The following PRMT5 variants were observed in gnomAD, a reference collection of about 807,000 sequenced individuals.
PRMT5 encodes the protein protein arginine methyltransferase 5, also known as protein arginine N-methyltransferase 5.
PRMT5 carries 15 observed loss-of-function variants against 84.0 expected under a neutral mutation model. The observed-to-expected ratio is 0.18, with a 90% CI of 0.12 to 0.28. The LOEUF (loss-of-function observed/expected upper bound fraction) is 0.28. Ranked by LOEUF, PRMT5 falls within the 10% of genes least tolerant of loss-of-function variation. The pLI, the probability that PRMT5 is intolerant of heterozygous loss-of-function variation, is 1.00. For synonymous variants in PRMT5, 276 were observed against 292.4 expected (o/e 0.94, Z 0.57); for missense variants, 486 against 808.0 (o/e 0.60, Z 4.83).
rs754873481 is a variant in PRMT5, at chr14:22,922,538, C to T, written c.1601G>A (p.Arg534His). 1 of 1,613,748 alleles carries T rather than the reference C, an allele frequency of 6.2e-7. No individual in the cohort carries two copies. Among genetic ancestry groups the T allele is most frequent in the Non-Finnish European group, 8.5e-7 (1 of 1,179,716 alleles). ...CACAGGAAATTCCAAGGTGCAATAGCGGTTGTTGTCAATCATAGGATCTGT... is the reference window on the plus strand; with the variant it reads ...CACAGGAAATTCCAAGGTGCAATAGTGGTTGTTGTCAATCATAGGATCTGT... Reference protein sequence around the residue: ...PNRDPMIDNNRYCTLEFPVEV... With the variant: ...PNRDPMIDNNHYCTLEFPVEV... The change falls in exon 15 of 17, where the codon CGC (arginine) becomes CAC (histidine). Residue 534 changes from arginine to histidine, a missense_variant. By Grantham distance (29) the Arg-to-His change is conservative. Coordinates refer to ENST00000324366, the MANE Select transcript of PRMT5 (RefSeq NM_006109.5).
chr14:22,929,151 T>C, intron 1 of PRMT5, 101 bp downstream of exon 1: 1 of 1,613,992 alleles, frequency 6.2e-7, no homozygotes, highest in South Asian at 1.1e-5. Context: ...CTCCTCATCC[T>C]AGCCGACCCC....
rs779261749 is a variant in PRMT5, at chr14:22,924,066, T to G, written c.1317A>C (p.Ser439=). The G allele has an allele frequency of 1.2e-5, 19 of 1,609,870 alleles. No homozygotes were observed. The East Asian group carries it at 4.2e-4, about 36-fold the overall frequency. ...ADIIVSELLG[S]FADNELSPEC... ...CAGGCGACAATTCATTGTCAGCAAA[T>G]GAGCCCAGAAGCTCACTGACAATGA... is the stretch of plus-strand genomic sequence containing the variant. The change falls in exon 12 of 17, where the codon TCA becomes TCC. Residue 439 remains serine (S), a synonymous_variant. Coordinates refer to ENST00000324366, the MANE Select transcript of PRMT5 (RefSeq NM_006109.5). This position sits in a 1 kb window ranked among gnomAD's most constrained non-coding sequence, Gnocchi z 6.5.
At position 22,928,286 on chromosome 14, in the gene PRMT5, G is replaced by A; in HGVS notation, c.230-75C>T. ...TTACTTGTTCAATTTTTAGTTTTGG[G>A]AATCAAGAGTAGAAATGAGAGACAA... On this transcript the variant is annotated intron_variant, in intron 2 of 16. Transcript: ENST00000324366. The surrounding 1 kb of genome is among the most constrained non-coding windows in gnomAD (Gnocchi z 4.8). The A allele has an allele frequency of 6.6e-7, 1 of 1,506,426 alleles. No homozygotes were observed. The allele number at this position is 1,506,426 out of a possible 1,614,324, so 93.3% of individuals were successfully genotyped here.
At position 22,926,728 on chromosome 14, in the gene PRMT5, G is replaced by A. The variant is rs200452400; in HGVS notation, c.537C>T (p.Tyr179=). ...ACATCCACGTTTTCTCCTCCCCACT[G>A]TACTCCTCTGTGTGTGTAGTTGGTG... ...ENAPTTHTEE[Y]SGEEKTWMWW... is the part of the protein sequence containing the mutation. The change falls in exon 5 of 17, where the codon TAC becomes TAT. Residue 179 remains tyrosine (Y), a synonymous_variant. Transcript: ENST00000324366. The A allele has an allele frequency of 6.2e-7, 1 of 1,614,012 alleles. No individual in the cohort carries two copies. The highest frequency in any genetic ancestry group is 2.2e-5 in the East Asian group (1 of 44,882).
chr14:22,924,187 A>G lies in PRMT5; in HGVS notation c.1200-4T>C. 1 of 1,610,382 alleles carries G rather than the reference A, an allele frequency of 6.2e-7. No individual in the cohort carries two copies. The highest frequency in any genetic ancestry group is 8.5e-7 in the Non-Finnish European group (1 of 1,177,784). The stretch of plus-strand genomic sequence containing the variant: ...TTCAAACTGCCAGTTCTCTAGCCTG[A>G]AACAGAGACAATAAGGTAAGGAGAG... On this transcript the variant is annotated splice_region_variant and splice_polypyrimidine_tract_variant and intron_variant, in intron 11 of 16. Transcript: ENST00000324366. The surrounding 1 kb of genome is among the most constrained non-coding windows in gnomAD (Gnocchi z 6.5).
At chr14:22,921,212 G>GT in intron 16 of PRMT5, 156 bp from the exon 17 acceptor site, 1 of 909,064 alleles carries the variant, frequency 1.1e-6, no homozygotes, top group South Asian at 1.6e-5. Flanking sequence ...ATAATCAAAG[G>GT]TGTGGTGAGA....
chr14:22,928,568 T>G lies in PRMT5; in HGVS notation c.158A>C (p.Glu53Ala), dbSNP rs1333925168. ...MPVFHPRFKR[E>A]FIQEPAKNRP... ...ATTCTTAGCAGGTTCCTGAATGAAC[T>G]CCCTCTTGAAACGCGGATGGAAGAC... The change falls in exon 2 of 17, where the codon GAG (glutamate) becomes GCG (alanine). Residue 53 changes from glutamate (E) to alanine (A), a missense_variant. Glu to Ala is a moderately radical substitution (Grantham distance 107). Coordinates refer to ENST00000324366, the MANE Select transcript of PRMT5 (RefSeq NM_006109.5). This position sits in a 1 kb window ranked among gnomAD's most constrained non-coding sequence, Gnocchi z 4.8. The G allele has an allele frequency of 6.2e-7, 1 of 1,614,080 alleles. No homozygotes were observed.
chr14:22,927,471 T>C lies in PRMT5; in HGVS notation c.450+55A>G, dbSNP rs12589539. ...TGAATGGCTAGGCACAAGAAGGTAC[T>C]TAGCACAATCTGACTACTATGATAT... On this transcript the variant is annotated intron_variant, in intron 4 of 16. Coordinates refer to ENST00000324366, the MANE Select transcript of PRMT5 (RefSeq NM_006109.5). The C allele has an allele frequency of 0.57, 914,609 of 1,605,236 alleles. 270,710 individuals carry two copies. The highest frequency in any genetic ancestry group is 0.79 in the East Asian group (35,524 of 44,758).
Position 22,922,815 on chromosome 14 carries a change from A to G in PRMT5, c.1506T>C (p.Tyr502=), listed in dbSNP as rs1200489082. Residue 502 remains tyrosine, a synonymous_variant, in exon 14 of 17, where the codon TAT becomes TAC. Coordinates refer to ENST00000324366, the MANE Select transcript of PRMT5 (RefSeq NM_006109.5). ...RDPEAQFEMP[Y]VVRLHNFHQL... ...GGTGGAAGTTGTGCAGCCGTACCAC[A>G]TAAGGCATCTCAAACTGGGCCTGTC... 1 of 1,613,910 alleles carries G rather than the reference A, an allele frequency of 6.2e-7. No homozygotes were observed. Among genetic ancestry groups the G allele is most frequent in the Admixed American group, 1.7e-5 (1 of 60,002 alleles).
chr14:22,922,202 A>G lies in PRMT5; in HGVS notation c.1735T>C (p.Trp579Arg), dbSNP rs2044315219. 1 of 1,595,412 alleles carries G rather than the reference A, an allele frequency of 6.3e-7. No individual in the cohort carries two copies. The highest frequency in any genetic ancestry group is 8.6e-7 in the Non-Finnish European group (1 of 1,162,896). ...PETHSPGMFS[W>R]FPILFPIKQP... ...TTAATAGGGAAGAGGATGGGAAACC[A>G]TGAGAACATCCCAGGAGAGTGAGTC... The change falls in exon 16 of 17, where the codon TGG becomes CGG. Residue 579 changes from tryptophan to arginine, a missense_variant. Trp to Arg is a moderately radical substitution (Grantham distance 101, BLOSUM62 -3). This residue lies in a region of PRMT5 where 219 missense variants were observed against 433.6 expected (regional missense o/e 0.51). Coordinates refer to ENST00000324366, the MANE Select transcript of PRMT5 (RefSeq NM_006109.5).
chr14:22,923,352 C>A lies in PRMT5; in HGVS notation c.1376-192G>T. 1.9e-6 allele frequency: 1 copy of A among 531,112 alleles called. No individual in the cohort carries two copies. The highest frequency in any genetic ancestry group is 3.3e-6 in the Non-Finnish European group (1 of 301,316). The allele number at this position is 531,112 out of a possible 1,614,324, so 32.9% of individuals were successfully genotyped here. ...TTCCAACTACTGTCATGGAGGATTC[C>A]ACTACTAGGTTAATTTACAGAGTCA... On this transcript the variant is annotated intron_variant, in intron 12 of 16. Coordinates refer to ENST00000324366, the MANE Select transcript of PRMT5 (RefSeq NM_006109.5). The surrounding 1 kb of genome is among the most constrained non-coding windows in gnomAD (Gnocchi z 5.2).
chr14:22,926,775 T>G lies in PRMT5; in HGVS notation c.490A>C (p.Arg164=), dbSNP rs1427585557. Residue 164 remains arginine, a synonymous_variant, in exon 5 of 17, where the codon AGA becomes CGA. Transcript: ENST00000324366. ...GGTGCATTCTCAATTATATCATCTC[T>G]CAGGTCCTCTGGTGCCACCAAGGGT... ...RVPLVAPEDL[R]DDIIENAPTT... 6.2e-7 allele frequency: 1 copy of G among 1,614,182 alleles called. No homozygotes were observed. The highest frequency in any genetic ancestry group is 2.2e-5 in the East Asian group (1 of 44,880).
At chr14:22,921,508 C>T (rs2044295389) in intron 16 of PRMT5, among the ~76,000 whole-genome samples, 1 of 152,320 alleles carries the variant, frequency 6.6e-6, no homozygotes, top group South Asian at 2.1e-4. Context: ...TCGATCACAT[C>T]AAGTCTTACA....
intron 4 of PRMT5, 99 bp downstream of exon 4, chr14:22,927,427 T>C: frequency 1.3e-6 from 2 of 1,517,570 alleles, no homozygotes; most frequent in Non-Finnish European, 1.8e-6. Flanking sequence ...ACTTCAATTC[T>C]GCCAAACACA....
At position 22,928,118 on chromosome 14, in the gene PRMT5, A is replaced by C. The variant is rs762431392; in HGVS notation, c.315+8T>G. 3 of 1,611,750 alleles carry C rather than the reference A, an allele frequency of 1.9e-6. No individual in the cohort carries two copies. In the African/African-American group the frequency reaches 4.0e-5, roughly 22 times the overall value. On this transcript the variant is annotated splice_region_variant and intron_variant, in intron 3 of 16. Transcript: ENST00000324366. The surrounding 1 kb of genome is among the most constrained non-coding windows in gnomAD (Gnocchi z 4.8). ...GAAAAATCCAGCAGAGAAGTCAAACAGTCTTACCGCCTCGGAGTTCCTGCG... is the reference window on the plus strand; with the variant it reads ...GAAAAATCCAGCAGAGAAGTCAAACCGTCTTACCGCCTCGGAGTTCCTGCG...
Position 22,924,498 on chromosome 14 carries a change from C to T in PRMT5, c.1057G>A (p.Glu353Lys). 1 of 1,614,108 alleles carries T rather than the reference C, an allele frequency of 6.2e-7. No individual in the cohort carries two copies. The highest frequency in any genetic ancestry group is 8.5e-7 in the Non-Finnish European group (1 of 1,179,998). Residue 353 changes from glutamate (E) to lysine (K), a missense_variant, in exon 10 of 17, where the codon GAG (glutamate) becomes AAG (lysine). Coordinates refer to ENST00000324366, the MANE Select transcript of PRMT5 (RefSeq NM_006109.5). This position sits in a 1 kb window ranked among gnomAD's most constrained non-coding sequence, Gnocchi z 6.5. Reference protein sequence around the residue: ...KCLLDRVPEEEKDTNVQVLMV... With the variant: ...KCLLDRVPEEKKDTNVQVLMV... ...ACTCACTGGACATTGGTATCCTTCT[C>T]CTCTTCTGGTACTCGGTCTAGCAGA...
chr14:22,927,290 T>C (rs2044444094), intron 4 of PRMT5, among the ~76,000 whole-genome samples: 1 of 151,852 alleles, frequency 6.6e-6, no homozygotes, highest in African/African-American at 2.4e-5. Flanking sequence ...TTTGGTTTTT[T>C]ATACAGACAG....
At position 22,920,717 on chromosome 14, in the gene PRMT5, T is replaced by C; in HGVS notation, c.*187A>G. The C allele has an allele frequency of 1.2e-6, 1 of 856,886 alleles. No homozygotes were observed. Among genetic ancestry groups the C allele is most frequent in the South Asian group, 1.4e-5 (1 of 70,014 alleles). 53.1% of individuals were successfully genotyped at this position (856,886 alleles called of 1,614,324 possible). A position where few individuals can be genotyped will look rare whatever the true frequency, so the allele number is the denominator to read the frequency against. On this transcript the variant is annotated 3_prime_UTR_variant, in exon 17 of 17. Transcript: ENST00000324366. ...CCCCCTGGCCTGAGGTCTTCATAGA[T>C]TGGTGGCTTGAGCCCTGCAATTAAT...
At chr14:22,927,394 C>T in intron 4 of PRMT5, 132 bp downstream of exon 4, 2 of 1,272,460 alleles carry the variant, frequency 1.6e-6, no homozygotes, top group East Asian at 2.4e-5. Flanking sequence ...CAGGCATCAC[C>T]CACTGTGCCC....
Sources: allele counts gnomAD v4.1 joint callset (sites outside exome capture counted in the v4.1 genomes callset), GRCh38; gene constraint gnomAD v4.1.1; regional missense constraint gnomAD v4.1.1; non-coding constraint Gnocchi (gnomAD v3.1); transcripts MANE v1.5; gene names NCBI Gene and HGNC (gene_info 2026-07-23, HGNC 2026-07-21).